Variants in ZNF362 observed in about 807,000 individuals in gnomAD.
The protein encoded by ZNF362 is rotund homolog.
In ZNF362, 11 loss-of-function variants were observed where a neutral mutation model predicts 42.9. The ratio of observed to expected loss-of-function variants is 0.26; its 90% CI spans 0.16 to 0.42. The LOEUF (loss-of-function observed/expected upper bound fraction) is 0.42. ZNF362 is among the 20% of genes least tolerant of loss of function. ZNF362 has a pLI of 1.00. For synonymous variants in ZNF362, 255 were observed against 257.3 expected, an observed-to-expected ratio of 0.99 and a Z score of 0.09; for missense variants, 362 against 576.2, an observed-to-expected ratio of 0.63 and a Z score of 3.81.
At chr1:33,202,616 A>G in the ZNF362 span, among the ~76,000 whole-genome samples, 1 of 150,278 alleles carries the variant, frequency 6.7e-6, no homozygotes. Context: ...AAAAGACGCT[A>G]TATCATGACC....
the ZNF362 span, among the ~76,000 whole-genome samples, chr1:33,169,438 C>T: frequency 6.6e-6 from 1 of 152,202 alleles, no homozygotes; most frequent in Admixed American, 6.5e-5. Flanking sequence ...TGGCCCCAGG[C>T]TCCTCCCTGC....
the ZNF362 span, among the ~76,000 whole-genome samples, chr1:33,153,950 A>C: frequency 6.6e-6 from 1 of 152,220 alleles, no homozygotes; most frequent in Non-Finnish European, 1.5e-5. Context: ...AGACAATGAC[A>C]AAACAGTGAG....
At chr1:33,254,447 G>A (rs1361429274), upstream of ZNF362, among the ~76,000 whole-genome samples, 7 of 152,148 alleles carry the variant, frequency 4.6e-5, no homozygotes, top group Non-Finnish European at 1.0e-4. Flanking sequence ...CTCTGGCTGT[G>A]ATGGTTTCTC....
chr1:33,233,539 G>A, the ZNF362 span, among the ~76,000 whole-genome samples: 7 of 152,230 alleles, frequency 4.6e-5, no homozygotes, highest in African/African-American at 1.7e-4. Context: ...GAGTAGCTAG[G>A]ATTACAGGTC....
chr1:33,275,367 C>T (rs1645935868), intron 2 of ZNF362: 1 of 985,490 alleles, frequency 1.0e-6, no homozygotes, highest in Non-Finnish European at 1.2e-6. Context: ...ACACTTTTAC[C>T]AAAGAGCCGC....
chr1:33,267,725 A>T (rs896594888), intron 1 of ZNF362, among the ~76,000 whole-genome samples: 2 of 152,228 alleles, frequency 1.3e-5, no homozygotes, highest in East Asian at 3.8e-4. Flanking sequence ...ACGACCATAG[A>T]CTATGACACC....
At chr1:33,147,661 G>A in the ZNF362 span, 3 of 1,613,932 alleles carry the variant, frequency 1.9e-6, no homozygotes, top group Non-Finnish European at 2.5e-6. This position sits in a 1 kb window ranked among gnomAD's most constrained non-coding sequence, Gnocchi z 8.1. Flanking sequence ...AGCCACAATG[G>A]TGCAGTCGTC....
chr1:33,138,626 C>CA, the ZNF362 span, among the ~76,000 whole-genome samples: 3,103 of 66,150 alleles, frequency 0.047, 33 homozygotes, highest in Middle Eastern at 0.082. Context: ...ACAACAACAA[C>CA]AAAAAAAAAA....
upstream of ZNF362, among the ~76,000 whole-genome samples, chr1:33,254,364 T>C (rs1291300908): frequency 6.6e-6 from 1 of 152,142 alleles, no homozygotes; most frequent in Non-Finnish European, 1.5e-5. Context: ...CTGGTGATCC[T>C]CCCGCCTCGG....
chr1:33,199,325 T>G, the ZNF362 span, among the ~76,000 whole-genome samples: 1 of 1,918 alleles, frequency 5.2e-4, no homozygotes, highest in South Asian at 0.25. Flanking sequence ...GACAGTAGAT[T>G]TTTTTTTATT....
the ZNF362 span, chr1:33,142,378 C>G: frequency 6.6e-6 from 1 of 152,418 alleles, no homozygotes; most frequent in East Asian, 1.9e-4. Context: ...TCTGTCCCTG[C>G]TGCCACCCCA....
the ZNF362 span, among the ~76,000 whole-genome samples, chr1:33,204,993 T>C: frequency 3.9e-5 from 6 of 152,078 alleles, no homozygotes; most frequent in East Asian, 7.7e-4. Context: ...CTACAAAACA[T>C]TGCTGAGAGA....
chr1:33,216,821 C>T, the ZNF362 span, among the ~76,000 whole-genome samples: 374 of 151,712 alleles, frequency 2.5e-3, 3 homozygotes, highest in African/African-American at 8.5e-3. Context: ...GGATGGGCCC[C>T]CTGTGCAGGT....
the ZNF362 span, among the ~76,000 whole-genome samples, chr1:33,155,408 T>C: frequency 9.4e-3 from 1,436 of 152,076 alleles, 22 homozygotes; most frequent in African/African-American, 0.033. Flanking sequence ...GGACTTTTGA[T>C]GTTTGTGGAA....
At chr1:33,191,190 A>G in the ZNF362 span, among the ~76,000 whole-genome samples, 1 of 152,170 alleles carries the variant, frequency 6.6e-6, no homozygotes, top group Non-Finnish European at 1.5e-5. Context: ...TAATAATTTT[A>G]TACCTACTTA....
intron 1 of ZNF362, among the ~76,000 whole-genome samples, chr1:33,260,739 C>T (rs1645823373): frequency 2.0e-5 from 3 of 152,166 alleles, no homozygotes; most frequent in Non-Finnish European, 4.4e-5. Context: ...AGCGCATTGC[C>T]TGGGAGATAA....
At chr1:33,177,131 ACACACG>A in the ZNF362 span, among the ~76,000 whole-genome samples, 29 of 152,008 alleles carry the variant, frequency 1.9e-4, no homozygotes, top group South Asian at 1.0e-3. This position sits in a 1 kb window ranked among gnomAD's most constrained non-coding sequence, Gnocchi z 4.1. Context: ...ACGCATGCAC[ACACACG>A]CACATGCACA....
the ZNF362 span, among the ~76,000 whole-genome samples, chr1:33,221,780 T>A: frequency 6.6e-6 from 1 of 152,154 alleles, no homozygotes; most frequent in African/African-American, 2.4e-5. Flanking sequence ...TCTGATCTGT[T>A]CCTAGAGGGT....
At chr1:33,153,384 C>G in the ZNF362 span, among the ~76,000 whole-genome samples, 3 of 152,238 alleles carry the variant, frequency 2.0e-5, no homozygotes, top group Admixed American at 2.0e-4. Flanking sequence ...GCAGCTTTCT[C>G]TAGAGCAGTG....
Sources: allele counts gnomAD v4.1 joint callset (sites outside exome capture counted in the v4.1 genomes callset), GRCh38; gene constraint gnomAD v4.1.1; non-coding constraint Gnocchi (gnomAD v3.1); transcripts MANE v1.5; gene names NCBI Gene and HGNC (gene_info 2026-07-23, HGNC 2026-07-21).